Variants in BCAS4 observed in about 807,000 individuals in gnomAD.
The protein encoded by BCAS4 is breast carcinoma-amplified sequence 4.
Under a neutral mutation model 15.7 loss-of-function variants are expected in BCAS4, and 9 were observed. The observed-to-expected ratio is 0.57, with a 90% confidence interval of 0.34 to 1.00. The LOEUF is 1.00. Among genes scored for constraint, BCAS4 ranks in the 50% least tolerant of loss-of-function variants. BCAS4 has a pLI of 0.02. For missense variants in BCAS4, 225 were observed against 239.1 expected (o/e 0.94, Z 0.39); for synonymous variants, 101 against 99.5 (o/e 1.02, Z -0.09).
chr20:50,865,194 T>C (rs960673443), intron 4 of BCAS4, among the ~76,000 whole-genome samples: 1 of 152,176 alleles, frequency 6.6e-6, no homozygotes, highest in East Asian at 1.9e-4. Context: ...CCAGGCGCCT[T>C]GGTGCTCAAG....
At chr20:50,859,910 C>T (rs1207886547) in intron 4 of BCAS4, among the ~76,000 whole-genome samples, 7 of 151,992 alleles carry the variant, frequency 4.6e-5, no homozygotes, top group South Asian at 2.1e-4. Flanking sequence ...GAGGCTGAGG[C>T]GGGAGGATCG....
chr20:50,834,357 G>A (rs1267258771), intron 3 of BCAS4, among the ~76,000 whole-genome samples: 26 of 146,194 alleles, frequency 1.8e-4, no homozygotes, highest in Admixed American at 1.5e-3. Flanking sequence ...GTGCAGTGGC[G>A]GAATCTTGGC....
chr20:50,874,762 C>T (rs1600910049), intron 4 of BCAS4, among the ~76,000 whole-genome samples: 1 of 152,110 alleles, frequency 6.6e-6, no homozygotes, highest in East Asian at 1.9e-4. Context: ...GGGGAGCAGG[C>T]AGCATGGGGA....
intron 4 of BCAS4, among the ~76,000 whole-genome samples, chr20:50,864,850 T>C (rs890827562): frequency 8.6e-5 from 13 of 151,950 alleles, no homozygotes; most frequent in African/African-American, 2.9e-4. Flanking sequence ...TTCCAGCACT[T>C]TGGGAGGCCG....
intron 4 of BCAS4, among the ~76,000 whole-genome samples, chr20:50,844,299 T>C (rs1214997011): frequency 6.6e-6 from 1 of 152,040 alleles, no homozygotes; most frequent in Non-Finnish European, 1.5e-5. Flanking sequence ...CCAAGTGTGA[T>C]GGCATGCACC....
intron 1 of BCAS4, among the ~76,000 whole-genome samples, chr20:50,801,960 A>G (rs2087932442): frequency 6.6e-6 from 1 of 151,602 alleles, no homozygotes; most frequent in Non-Finnish European, 1.5e-5. Flanking sequence ...GGGGAGGTAG[A>G]CAGGGCCACA....
chr20:50,832,092 A>T (rs552363512), intron 3 of BCAS4, among the ~76,000 whole-genome samples: 1 of 152,106 alleles, frequency 6.6e-6, no homozygotes, highest in South Asian at 2.1e-4. Context: ...ACTGATGTTG[A>T]CTGAGGGCCA....
intron 2 of BCAS4, among the ~76,000 whole-genome samples, chr20:50,829,084 C>T (rs1042421289): frequency 1.3e-5 from 2 of 152,178 alleles, no homozygotes; most frequent in African/African-American, 4.8e-5. Context: ...AGTCCAGCTC[C>T]TGCTGTGCCC....
chr20:50,880,779 C>T (rs1235931735), downstream of BCAS4: 2 of 152,186 alleles, frequency 1.3e-5, no homozygotes, highest in Non-Finnish European at 2.9e-5. Context: ...AAGGTAGCAG[C>T]CCATGGGGTT....
chr20:50,831,739 C>T (rs979741624), intron 3 of BCAS4, among the ~76,000 whole-genome samples: 3 of 152,098 alleles, frequency 2.0e-5, no homozygotes, highest in Admixed American at 6.6e-5. Context: ...GGGCCCTGGG[C>T]TTGGGACCCT....
chr20:50,860,944 G>A (rs942911308), intron 4 of BCAS4, among the ~76,000 whole-genome samples: 2 of 151,638 alleles, frequency 1.3e-5, no homozygotes, highest in South Asian at 2.1e-4. Context: ...GCAGTGAGCC[G>A]TGATCGTGCC....
At chr20:50,810,837 G>A (rs892915273) in intron 1 of BCAS4, among the ~76,000 whole-genome samples, 8 of 152,028 alleles carry the variant, frequency 5.3e-5, no homozygotes, top group Non-Finnish European at 1.0e-4. Flanking sequence ...TGATCTGTCC[G>A]CCTCGGCCCC....
intron 4 of BCAS4, among the ~76,000 whole-genome samples, chr20:50,844,756 C>G (rs76528625): frequency 6.7e-6 from 1 of 149,820 alleles, no homozygotes; most frequent in Non-Finnish European, 1.5e-5. Context: ...CATCCCCCCC[C>G]GGGGTGTGGC....
chr20:50,816,355 A>C (rs1414875387), intron 1 of BCAS4, among the ~76,000 whole-genome samples: 1 of 152,228 alleles, frequency 6.6e-6, no homozygotes, highest in East Asian at 1.9e-4. Context: ...TAATTTTTAC[A>C]CAAGTGCATG....
intron 4 of BCAS4, among the ~76,000 whole-genome samples, chr20:50,849,306 C>T (rs2088582432): frequency 6.6e-6 from 1 of 152,258 alleles, no homozygotes; most frequent in Non-Finnish European, 1.5e-5. Context: ...CTCCTGACTC[C>T]TGCACAGAGC....
intron 4 of BCAS4, among the ~76,000 whole-genome samples, chr20:50,873,863 A>C (rs1206061204): frequency 6.6e-6 from 1 of 152,184 alleles, no homozygotes; most frequent in Non-Finnish European, 1.5e-5. Flanking sequence ...CAGGTGCGTC[A>C]CTTGTCCTGG....
chr20:50,840,624 G>T (rs571817641), intron 3 of BCAS4: 4 of 1,601,716 alleles, frequency 2.5e-6, no homozygotes, highest in Admixed American at 1.7e-5. Flanking sequence ...ATTACGATTC[G>T]CCTGCTTGCT....
chr20:50,797,968 T>C (rs1419190828), intron 1 of BCAS4, among the ~76,000 whole-genome samples: 4 of 151,750 alleles, frequency 2.6e-5, no homozygotes, highest in African/African-American at 9.7e-5. Context: ...CGTGGCCACC[T>C]ACGCAATTTT....
intron 4 of BCAS4, among the ~76,000 whole-genome samples, chr20:50,853,254 CCTGCCT>C (rs1978545410): frequency 6.7e-6 from 1 of 149,860 alleles, no homozygotes; most frequent in South Asian, 2.1e-4. Flanking sequence ...AACCAATTCT[CCTGCCT>C]CAGCTTCCCA....
Sources: allele counts gnomAD v4.1 joint callset (sites outside exome capture counted in the v4.1 genomes callset), GRCh38; gene constraint gnomAD v4.1.1; transcripts MANE v1.5; gene names NCBI Gene and HGNC (gene_info 2026-07-23, HGNC 2026-07-21).